ZFPM1: variants seen among roughly 807,000 people sequenced by gnomAD.
ZFPM1 encodes the protein zinc finger protein, FOG family member 1.
Under a neutral mutation model 46.3 loss-of-function variants are expected in ZFPM1, and 28 were observed. That is an observed-to-expected ratio of 0.60 (90% CI 0.45 to 0.83). The LOEUF (loss-of-function observed/expected upper bound fraction) is 0.83, where lower values mean the gene tolerates loss of function less well. Ranked by LOEUF, ZFPM1 falls within the 40% of genes least tolerant of loss-of-function variation. ZFPM1 has a pLI of 0.00. For synonymous variants in ZFPM1, 957 were observed against 675.9 expected (o/e 1.42, Z -6.45); for missense variants, 1,878 against 1,432.4 (o/e 1.31, Z -5.02).
At chr16:88,455,816 C>G (rs1016140135) in intron 1 of ZFPM1, among the ~76,000 whole-genome samples, 1 of 152,106 alleles carries the variant, frequency 6.6e-6, no homozygotes. Context: ...CGGCCTTGGC[C>G]GGCCAGATGG....
chr16:88,485,855 G>A, intron 1 of ZFPM1, 84 bp from the exon 2 acceptor site: 1 of 1,334,570 alleles, frequency 7.5e-7, no homozygotes, highest in African/African-American at 1.5e-5. Flanking sequence ...GGGCACCGGG[G>A]CTGTACCTAT....
chr16:88,534,111 C>G lies in ZFPM1; in HGVS notation c.2153C>G (p.Ala718Gly), dbSNP rs1239289320. Reference sequence around the variant, plus strand: ...CACGACCCGCCGCCGCGCCGACCGGCCGCGCCCCCGGGACCCCCTGGGCCG... The same window carrying G: ...CACGACCCGCCGCCGCGCCGACCGGGCGCGCCCCCGGGACCCCCTGGGCCG... ...SRHDPPPRRP[A>G]APPGPPGPAA... The change falls in exon 10 of 10, where the codon GCC becomes GGC. Residue 718 changes from alanine (A) to glycine (G), a missense_variant. Transcript: ENST00000319555. 2.6e-6 allele frequency: 3 copies of G among 1,138,390 alleles called. No homozygotes were observed. The highest frequency in any genetic ancestry group is 3.6e-4 in the Middle Eastern group (1 of 2,764). The allele number at this position is 1,138,390 out of a possible 1,614,324, so 70.5% of individuals were successfully genotyped here. A position where few individuals can be genotyped will look rare whatever the true frequency, so the allele number is the denominator to read the frequency against.
Position 88,533,409 on chromosome 16 carries a change from A to G in ZFPM1, c.1451A>G (p.Gln484Arg). 6.7e-7 allele frequency: 1 copy of G among 1,498,626 alleles called. No homozygotes were observed. The highest frequency in any genetic ancestry group is 2.3e-5 in the Admixed American group (1 of 44,056). 92.8% of individuals were successfully genotyped at this position (1,498,626 alleles called of 1,614,324 possible). A position where few individuals can be genotyped will look rare whatever the true frequency, so the allele number is the denominator to read the frequency against. Residue 484 changes from glutamine (Q) to arginine (R), a missense_variant, in exon 10 of 10, where the codon CAG becomes CGG. Gln to Arg is a conservative substitution (Grantham distance 43). Transcript: ENST00000319555. ...PILGPGEPGP[Q>R]APSRTPSPRS... ...CTGGGCCCCGGAGAGCCTGGGCCCCAGGCCCCGTCGCGGACGCCGTCGCCG... is the reference window on the plus strand; with the variant it reads ...CTGGGCCCCGGAGAGCCTGGGCCCCGGGCCCCGTCGCGGACGCCGTCGCCG...
intron 1 of ZFPM1, among the ~76,000 whole-genome samples, chr16:88,478,643 G>A (rs753677643): frequency 6.6e-6 from 1 of 152,240 alleles, no homozygotes; most frequent in East Asian, 1.9e-4. Context: ...ACGAGGCTCC[G>A]GCAGAGCTGG....
At chr16:88,464,734 G>A (rs565293562) in intron 1 of ZFPM1, among the ~76,000 whole-genome samples, 107 of 152,236 alleles carry the variant, frequency 7.0e-4, no homozygotes, top group South Asian at 4.1e-4. Flanking sequence ...CCTGGTCCGG[G>A]CCTCTGGCGG....
At position 88,497,279 on chromosome 16, in the gene ZFPM1, C is replaced by G. The variant is rs1056223559; in HGVS notation, c.268+8126C>G. Among the ~76,000 whole-genome samples the G allele has an allele frequency of 6.6e-6, 1 of 152,176 alleles. No individual in the cohort carries two copies. Among genetic ancestry groups the G allele is most frequent in the Non-Finnish European group, 1.5e-5 (1 of 68,020 alleles). On this transcript the variant is annotated intron_variant, in intron 3 of 9. Coordinates refer to ENST00000319555, the MANE Select transcript of ZFPM1 (RefSeq NM_153813.3). The surrounding 1 kb of genome is among the most constrained non-coding windows in gnomAD (Gnocchi z 5.4). ...GACGGCCCCAGCCCCAGCCCCAGCC[C>G]CAGCCCCATTCCAAGGTGTGACAGA...
chr16:88,524,990 G>A (rs960544191), intron 4 of ZFPM1, among the ~76,000 whole-genome samples: 2 of 152,252 alleles, frequency 1.3e-5, no homozygotes, highest in Non-Finnish European at 2.9e-5. Flanking sequence ...CTGTGGCTGA[G>A]CCGTGTGGTA....
rs1290266021 is a variant in ZFPM1 at position 88,532,761 on chromosome 16, G to T, written c.1043-28G>T. On this transcript the variant is annotated intron_variant, in intron 8 of 9. Coordinates refer to ENST00000319555, the MANE Select transcript of ZFPM1 (RefSeq NM_153813.3). Reference sequence around the variant, plus strand: ...TGTGGGTCCCGCCTCCCCGCCCTGGGCCTTGACCACCTCGCCATGGCCCAC... The same window carrying T: ...TGTGGGTCCCGCCTCCCCGCCCTGGTCCTTGACCACCTCGCCATGGCCCAC... 1.9e-6 allele frequency: 3 copies of T among 1,612,916 alleles called. No individual in the cohort carries two copies. In the South Asian group the frequency reaches 3.3e-5, roughly 18 times the overall value.
Position 88,501,712 on chromosome 16 carries a change from T to G in ZFPM1, c.268+12559T>G, listed in dbSNP as rs553066401. Among the ~76,000 whole-genome samples, 24 of 130,672 alleles carry G rather than the reference T, an allele frequency of 1.8e-4. 1 individual carries two copies. The highest frequency in any genetic ancestry group is 6.2e-4 in the African/African-American group (20 of 32,148). 85.7% of individuals were successfully genotyped at this position (130,672 alleles called of 152,430 possible). A position where few individuals can be genotyped will look rare whatever the true frequency, so the allele number is the denominator to read the frequency against. ...TGCAGGGCCTCTCCCGCAGGTGCTCTTGATGATGGAGGTAACGGGTGTGGG... is the reference window on the plus strand; with the variant it reads ...TGCAGGGCCTCTCCCGCAGGTGCTCGTGATGATGGAGGTAACGGGTGTGGG... On this transcript the variant is annotated intron_variant, in intron 3 of 9. Coordinates refer to ENST00000319555, the MANE Select transcript of ZFPM1 (RefSeq NM_153813.3).
intron 1 of ZFPM1, among the ~76,000 whole-genome samples, chr16:88,478,620 G>T (rs1908790326): frequency 6.6e-6 from 1 of 152,244 alleles, no homozygotes; most frequent in Non-Finnish European, 1.5e-5. Context: ...GAACCAGTGT[G>T]ACCTACAAAT....
intron 3 of ZFPM1, among the ~76,000 whole-genome samples, chr16:88,504,015 T>C (rs1359799695): frequency 6.6e-6 from 1 of 152,040 alleles, no homozygotes; most frequent in African/African-American, 2.4e-5. Flanking sequence ...TGTCCATGGC[T>C]GCCCTCAGTG....
chr16:88,500,503 C>A (rs554516118), intron 3 of ZFPM1, among the ~76,000 whole-genome samples: 6 of 152,266 alleles, frequency 3.9e-5, no homozygotes, highest in African/African-American at 1.4e-4. Context: ...ACAGAAACAG[C>A]GCTATTAGAG....
chr16:88,468,028 G>T (rs1334012680), intron 1 of ZFPM1, among the ~76,000 whole-genome samples: 3 of 52,510 alleles, frequency 5.7e-5, no homozygotes, highest in Non-Finnish European at 1.1e-4. Context: ...TCACACACCC[G>T]CGAGCCCACC....
At position 88,486,007 on chromosome 16, in the gene ZFPM1, G is replaced by T. The variant is rs777259890; in HGVS notation, c.109G>T (p.Ala37Ser). The T allele has an allele frequency of 3.1e-6, 5 of 1,612,682 alleles. No individual in the cohort carries two copies. The change falls in exon 2 of 10, where the codon GCC becomes TCC. Residue 37 changes from alanine (A) to serine (S), a missense_variant. Physicochemically the swap from Ala to Ser is moderately conservative, Grantham distance 99. Coordinates refer to ENST00000319555, the MANE Select transcript of ZFPM1 (RefSeq NM_153813.3). ...GGGTGCCAGCCACATGGAGCAAAAG[G>T]CCACGGCACCTGAAGCCCCGAGCCC... ...LVGASHMEQK[A>S]TAPEAPSPPS...
intron 5 of ZFPM1, 103 bp downstream of exon 5, chr16:88,527,019 G>C: frequency 6.8e-7 from 1 of 1,470,106 alleles, no homozygotes. Context: ...TGCTAGGGCA[G>C]GGGATGGGGC....
chr16:88,498,450 A>C (rs1233696756), intron 3 of ZFPM1, among the ~76,000 whole-genome samples: 1 of 152,204 alleles, frequency 6.6e-6, no homozygotes, highest in Non-Finnish European at 1.5e-5. Context: ...GGAGCAGTTA[A>C]GAGAAGGAGG....
Position 88,485,843 on chromosome 16 carries a change from C to T in ZFPM1, c.41-96C>T, listed in dbSNP as rs148620606. 1.4e-4 allele frequency: 163 copies of T among 1,189,542 alleles called. 2 individuals carry two copies. In the African/African-American group the frequency reaches 2.3e-3, roughly 17 times the overall value. The allele number at this position is 1,189,542 out of a possible 1,614,324, so 73.7% of individuals were successfully genotyped here. On this transcript the variant is annotated intron_variant, in intron 1 of 9. Transcript: ENST00000319555. ...CACCCCCACCCATTGCCATTTCCGC[C>T]TGGGCACCGGGGCTGTACCTATGCC...
At chr16:88,528,679 A>G (rs1243159065) in intron 6 of ZFPM1, among the ~76,000 whole-genome samples, 3 of 152,206 alleles carry the variant, frequency 2.0e-5, no homozygotes, top group Admixed American at 6.5e-5. Flanking sequence ...CCGGCCCACT[A>G]GGTGCTGCCA....
intron 1 of ZFPM1, among the ~76,000 whole-genome samples, chr16:88,473,359 C>G (rs1908513777): frequency 6.6e-6 from 1 of 152,236 alleles, no homozygotes; most frequent in Non-Finnish European, 1.5e-5. Flanking sequence ...ACCCACCGAC[C>G]CTCAGGCCTC....
Sources: gnomAD v4.1 joint callset for allele counts (sites outside exome capture counted in the v4.1 genomes callset) on GRCh38, gnomAD v4.1.1 for gene constraint, Gnocchi (gnomAD v3.1) non-coding constraint, MANE v1.5 for transcripts, NCBI Gene and HGNC (gene_info 2026-07-23, HGNC 2026-07-21) for gene names.